Variants in PCCB observed in about 807,000 individuals in gnomAD.
PCCB encodes propionyl-CoA carboxylase subunit beta.
PCCB carries 43 observed loss-of-function variants against 60.7 expected under a neutral mutation model. That is an observed-to-expected ratio of 0.71 (90% CI 0.55 to 0.91). PCCB has a LOEUF of 0.91. Among genes scored for constraint, PCCB ranks in the 40% least tolerant of loss-of-function variants. PCCB has a pLI of 0.00. For missense variants in PCCB, 766 were observed against 702.8 expected (o/e 1.09, Z -1.02); for synonymous variants, 276 against 255.9 (o/e 1.08, Z -0.75).
At chr3:136,298,987 A>G (rs1934063179) in intron 8 of PCCB, among the ~76,000 whole-genome samples, 1 of 152,152 alleles carries the variant, frequency 6.6e-6, no homozygotes, top group Non-Finnish European at 1.5e-5. Context: ...GGACATACCC[A>G]GTGGCCCACT....
intron 1 of PCCB, among the ~76,000 whole-genome samples, chr3:136,253,923 C>T (rs1029285662): frequency 2.0e-5 from 3 of 151,958 alleles, no homozygotes; most frequent in African/African-American, 7.2e-5. Flanking sequence ...GCTGGGATTA[C>T]AGGTGTGAGC....
At chr3:136,262,954 G>GGT (rs1941865045) in intron 5 of PCCB, among the ~76,000 whole-genome samples, 2 of 122,874 alleles carry the variant, frequency 1.6e-5, no homozygotes, top group Non-Finnish European at 1.7e-5. Context: ...TCTGGAGGAG[G>GGT]TTTTTTTTTT....
intron 10 of PCCB, chr3:136,326,476 A>G: frequency 1.5e-6 from 1 of 685,272 alleles, no homozygotes; most frequent in Non-Finnish European, 2.6e-6. Context: ...AGCTCTGAGG[A>G]CTCTCTAAGA....
At chr3:136,325,894 A>G (rs1483965808) in intron 10 of PCCB, among the ~76,000 whole-genome samples, 2 of 151,978 alleles carry the variant, frequency 1.3e-5, no homozygotes, top group African/African-American at 4.8e-5. Context: ...GCTCACTGCA[A>G]GCTCCGCCTC....
intron 10 of PCCB, among the ~76,000 whole-genome samples, chr3:136,317,720 C>T (rs1934959629): frequency 6.6e-6 from 1 of 152,118 alleles, no homozygotes; most frequent in East Asian, 1.9e-4. Flanking sequence ...GTGGTGATGT[C>T]GTATTCACAG....
intron 6 of PCCB, among the ~76,000 whole-genome samples, chr3:136,285,088 CAA>C (rs61543332): frequency 0.23 from 24,260 of 107,578 alleles, 2,317 homozygotes; most frequent in Middle Eastern, 0.3. Flanking sequence ...GACCCTGCCT[CAA>C]AAAAAAAAAA....
chr3:136,282,017 C>T (rs1942488714), intron 5 of PCCB, among the ~76,000 whole-genome samples: 1 of 152,116 alleles, frequency 6.6e-6, no homozygotes, highest in Non-Finnish European at 1.5e-5. Context: ...AGGGTTGAAA[C>T]AATGCCAGCC....
rs951456981 is a variant in PCCB, at chr3:136,279,002, T to C, written c.544-4835T>C. Among the ~76,000 whole-genome samples the C allele has an allele frequency of 3.9e-5, 6 of 152,226 alleles. No homozygotes were observed. In the East Asian group the frequency reaches 9.6e-4, roughly 24 times the overall value. On this transcript the variant is annotated intron_variant, in intron 5 of 14. Transcript: ENST00000251654. ...AGATTTTGGGGCTCTGTTAGGTGTG[T>C]ATATTTTTTTAACTGGTATATTTTC...
At chr3:136,284,445 T>G (rs534704255) in intron 6 of PCCB, among the ~76,000 whole-genome samples, 1 of 152,342 alleles carries the variant, frequency 6.6e-6, no homozygotes, top group South Asian at 2.1e-4. Context: ...ACTTATATTT[T>G]AAAAATATTT....
intron 5 of PCCB, among the ~76,000 whole-genome samples, chr3:136,273,568 CTTTTTCTTTCTTTTTTTTTTTCT>C (rs1942253430): frequency 1.9e-5 from 1 of 53,598 alleles, no homozygotes; most frequent in Admixed American, 1.6e-4. Flanking sequence ...TAATGACCTT[CTTTTTCTTTCTTTTTTTTTTTCT>C]TTTTTCTTTT....
At chr3:136,283,426 G>C (rs1942529234) in intron 5 of PCCB, among the ~76,000 whole-genome samples, 1 of 152,118 alleles carries the variant, frequency 6.6e-6, no homozygotes, top group Non-Finnish European at 1.5e-5. Context: ...TCAAAATAGA[G>C]GTCAGGGTGC....
chr3:136,292,217 C>T (rs1933725252), intron 6 of PCCB, among the ~76,000 whole-genome samples: 1 of 150,518 alleles, frequency 6.6e-6, no homozygotes, highest in African/African-American at 2.4e-5. Context: ...GACTAGAAAC[C>T]TGAAATTTTG....
intron 1 of PCCB, chr3:136,252,404 A>T (rs1413069201): frequency 2.3e-6 from 1 of 429,830 alleles, no homozygotes. Flanking sequence ...GTGTCACCAC[A>T]TCTGGCTAAT....
intron 6 of PCCB, among the ~76,000 whole-genome samples, chr3:136,290,888 GT>G (rs943334356): frequency 7.3e-5 from 11 of 150,122 alleles, no homozygotes; most frequent in African/African-American, 1.5e-4. Context: ...GTTTTGTTTT[GT>G]TTTTTTTGAT....
intron 1 of PCCB, 115 bp downstream of exon 1, chr3:136,250,673 C>T (rs1941490108): frequency 9.3e-7 from 1 of 1,077,598 alleles, no homozygotes; most frequent in East Asian, 2.6e-5. Flanking sequence ...CCTGGAGGGG[C>T]CGGAGCAAGG....
At chr3:136,315,911 T>TTA (rs144372137) in intron 9 of PCCB, among the ~76,000 whole-genome samples, 24,539 of 150,722 alleles carry the variant, frequency 0.16, 3,205 homozygotes, top group African/African-American at 0.37. Flanking sequence ...TCTTATGTGT[T>TTA]TATATATATA....
chr3:136,254,079 T>G (rs1360999162), intron 1 of PCCB, among the ~76,000 whole-genome samples: 1 of 152,118 alleles, frequency 6.6e-6, no homozygotes, highest in Non-Finnish European at 1.5e-5. Flanking sequence ...CTCACCAGCT[T>G]TGGCTACTTT....
At chr3:136,259,248 C>A in intron 3 of PCCB, 1 of 889,964 alleles carries the variant, frequency 1.1e-6, no homozygotes, top group Non-Finnish European at 1.5e-6. Flanking sequence ...GGGTAGATCA[C>A]TTGAGGCCAG....
At chr3:136,260,559 A>T (rs1201171753) in intron 4 of PCCB, 24 bp downstream of exon 4, 1 of 1,583,086 alleles carries the variant, frequency 6.3e-7, no homozygotes, top group Admixed American at 1.7e-5. Flanking sequence ...ACTCAAATTC[A>T]ATCCATTGCT....
Sources: allele counts gnomAD v4.1 joint callset (sites outside exome capture counted in the v4.1 genomes callset), GRCh38; gene constraint gnomAD v4.1.1; transcripts MANE v1.5; gene names NCBI Gene and HGNC (gene_info 2026-07-23, HGNC 2026-07-21).